Variants in SEZ6 observed in about 807,000 individuals in gnomAD.
The protein encoded by SEZ6 is seizure related 6 homolog, also known as seizure protein 6 homolog.
A neutral mutation model predicts 101.0 loss-of-function variants in SEZ6; 53 were observed. That is an observed-to-expected ratio of 0.52 (90% CI 0.42 to 0.66). SEZ6 has a LOEUF of 0.66. SEZ6 is among the 30% of genes least tolerant of loss of function. SEZ6 has a pLI of 0.00. For synonymous variants in SEZ6, 488 were observed against 512.2 expected, an observed-to-expected ratio of 0.95 and a Z score of 0.64; for missense variants, 1,102 against 1,289.4, an observed-to-expected ratio of 0.85 and a Z score of 2.23.
At position 28,960,670 on chromosome 17, in the gene SEZ6, G is replaced by A; in HGVS notation, c.1411C>T (p.Leu471Phe). The change falls in exon 7 of 17, where the codon CTC (leucine) becomes TTC (phenylalanine). Residue 471 changes from leucine to phenylalanine, a missense_variant and splice_region_variant. Around this residue, in one of 3 missense-constraint regions of SEZ6, gnomAD observed 556 missense variants for 735.1 expected, o/e 0.76. Transcript: ENST00000317338. ...ACGTTGTCCCCATTGCGAATGATGA[G>A]CCTGAACCAGGAGAGTGGCAGCTAT... is the stretch of plus-strand genomic sequence containing the variant. ...KVSLAEDDDR[L>F]IIRNGDNVEA... 1.9e-6 allele frequency: 3 copies of A among 1,608,920 alleles called. No homozygotes were observed. Among genetic ancestry groups the A allele is most frequent in the Non-Finnish European group, 2.5e-6 (3 of 1,177,578 alleles).
At chr17:29,002,927 G>A (rs116777869) in intron 1 of SEZ6, among the ~76,000 whole-genome samples, 2,272 of 152,154 alleles carry the variant, frequency 0.015, 65 homozygotes, top group African/African-American at 0.052. Context: ...GGCAGAGTGA[G>A]TAACCCAGAC....
chr17:28,976,797 C>T (rs1367217232), intron 3 of SEZ6, among the ~76,000 whole-genome samples: 2 of 152,236 alleles, frequency 1.3e-5, no homozygotes, highest in Non-Finnish European at 2.9e-5. Context: ...GCCAGGCCTG[C>T]CGCACCTGCT....
At chr17:28,977,735 C>T (rs2041242741) in intron 3 of SEZ6, among the ~76,000 whole-genome samples, 1 of 152,092 alleles carries the variant, frequency 6.6e-6, no homozygotes, top group Non-Finnish European at 1.5e-5. Flanking sequence ...GCCTCCCAGG[C>T]CTGTAGGGGG....
At chr17:29,004,479 C>T (rs1419037345) in intron 1 of SEZ6, among the ~76,000 whole-genome samples, 2 of 152,160 alleles carry the variant, frequency 1.3e-5, no homozygotes, top group Non-Finnish European at 2.9e-5. Context: ...AGCCCGGTAG[C>T]GGGGTGAGGA....
rs754230210 is a variant in SEZ6 at position 28,959,821 on chromosome 17, G to C, written c.1648C>G (p.Pro550Ala). ...CTGAACTCCACAGTGGTACCCACAG[G>C]GTAGGTGGGTGTGCTGCTGCTGAAG... Reference protein sequence around the residue: ...GNFSSSTPTYPVGTTVEFSCD... With the variant: ...GNFSSSTPTYAVGTTVEFSCD... The change falls in exon 8 of 17, where the codon CCT becomes GCT. Residue 550 changes from proline to alanine, a missense_variant. By Grantham distance (27) the Pro-to-Ala change is conservative. Around this residue, in one of 3 missense-constraint regions of SEZ6, gnomAD observed 556 missense variants for 735.1 expected, o/e 0.76. Transcript: ENST00000317338. The surrounding 1 kb of genome is among the most constrained non-coding windows in gnomAD (Gnocchi z 4.4). The C allele has an allele frequency of 6.2e-7, 1 of 1,613,826 alleles. No homozygotes were observed. The highest frequency in any genetic ancestry group is 8.5e-7 in the Non-Finnish European group (1 of 1,179,820).
intron 1 of SEZ6, among the ~76,000 whole-genome samples, chr17:28,990,194 G>T (rs1378085838): frequency 6.6e-6 from 1 of 152,196 alleles, no homozygotes; most frequent in African/African-American, 2.4e-5. Flanking sequence ...CACAAGATTT[G>T]CAACTTTCCC....
intron 1 of SEZ6, among the ~76,000 whole-genome samples, chr17:28,982,705 A>G (rs927479954): frequency 5.3e-5 from 8 of 151,926 alleles, no homozygotes; most frequent in African/African-American, 1.7e-4. Flanking sequence ...CCGGGCTGCA[A>G]TGCAGTGGTG....
chr17:29,006,129 C>T (rs1831668848), upstream of SEZ6: 1 of 283,312 alleles, frequency 3.5e-6, no homozygotes, highest in Non-Finnish European at 6.5e-6. Flanking sequence ...TGCAAAGGCG[C>T]AGAGACCCAG....
intron 11 of SEZ6, 63 bp from the exon 12 acceptor site, chr17:28,957,602 C>T (rs768566623): frequency 3.9e-6 from 6 of 1,526,702 alleles, no homozygotes; most frequent in Non-Finnish European, 5.3e-6. Context: ...CCAATCCACC[C>T]TGGCTTTGTT....
At chr17:28,963,679 C>G (rs1267726167) in intron 5 of SEZ6, among the ~76,000 whole-genome samples, 1 of 152,176 alleles carries the variant, frequency 6.6e-6, no homozygotes, top group South Asian at 2.1e-4. Flanking sequence ...TACTTCTTCC[C>G]CTGGAAATTG....
chr17:28,995,783 G>A (rs1230846894), intron 1 of SEZ6, among the ~76,000 whole-genome samples: 1 of 152,142 alleles, frequency 6.6e-6, no homozygotes, highest in Non-Finnish European at 1.5e-5. Context: ...CAGGGTGAAG[G>A]CTCAAGGGTG....
chr17:28,964,170 A>G lies in SEZ6; in HGVS notation c.1055-23T>C, dbSNP rs1481683935. On this transcript the variant is annotated intron_variant, in intron 4 of 16. Transcript: ENST00000317338. Reference sequence around the variant, plus strand: ...AGGCTGCAAACAGAGAACGGGTGACACTGTGTATGTGTGCAGGGTGGGGGC... The same window carrying G: ...AGGCTGCAAACAGAGAACGGGTGACGCTGTGTATGTGTGCAGGGTGGGGGC... 2.0e-6 allele frequency: 3 copies of G among 1,530,630 alleles called. 1 individual carries two copies. The South Asian group carries it at 3.6e-5, about 18-fold the overall frequency. 94.8% of individuals were successfully genotyped at this position (1,530,630 alleles called of 1,614,324 possible). A position where few individuals can be genotyped will look rare whatever the true frequency, so the allele number is the denominator to read the frequency against.
chr17:28,982,745 C>A (rs777853528), intron 1 of SEZ6, among the ~76,000 whole-genome samples: 15 of 152,152 alleles, frequency 9.9e-5, no homozygotes, highest in Non-Finnish European at 2.1e-4. Flanking sequence ...GCCTCAACCT[C>A]CCAGGTTCAA....
intron 1 of SEZ6, among the ~76,000 whole-genome samples, chr17:28,996,466 G>A (rs2041543562): frequency 6.6e-6 from 1 of 152,150 alleles, no homozygotes; most frequent in African/African-American, 2.4e-5. Context: ...GTGGGGGAGG[G>A]GAGGGGTGCA....
intron 1 of SEZ6, among the ~76,000 whole-genome samples, chr17:28,994,180 G>A (rs996902345): frequency 6.6e-6 from 1 of 152,208 alleles, no homozygotes; most frequent in African/African-American, 2.4e-5. Context: ...CTCGAGCATG[G>A]ATGGAGCTCT....
chr17:28,997,257 C>T (rs1180384170), intron 1 of SEZ6, among the ~76,000 whole-genome samples: 1 of 152,094 alleles, frequency 6.6e-6, no homozygotes, highest in Non-Finnish European at 1.5e-5. Flanking sequence ...CACCTTTGCC[C>T]GGAGATGCCC....
At chr17:28,988,308 G>T (rs1347023364) in intron 1 of SEZ6, among the ~76,000 whole-genome samples, 1 of 152,124 alleles carries the variant, frequency 6.6e-6, no homozygotes, top group East Asian at 1.9e-4. Flanking sequence ...ACACATGAAT[G>T]GCTTGTGTCC....
At chr17:28,985,845 G>A (rs943065558) in intron 1 of SEZ6, among the ~76,000 whole-genome samples, 1 of 152,228 alleles carries the variant, frequency 6.6e-6, no homozygotes, top group Non-Finnish European at 1.5e-5. Flanking sequence ...GTCGGTGGGG[G>A]ACACAGCGGT....
chr17:28,982,051 A>C lies in SEZ6; in HGVS notation c.56-12T>G. ...CTCTAAAGAGAGTCCTGAAATAATA[A>C]GGGATGGTCAGAGGTTCTCCCCCTG... is the stretch of plus-strand genomic sequence containing the variant. On this transcript the variant is annotated splice_polypyrimidine_tract_variant and intron_variant, in intron 1 of 16. Coordinates refer to ENST00000317338, the MANE Select transcript of SEZ6 (RefSeq NM_178860.5). 6.4e-7 allele frequency: 1 copy of C among 1,564,236 alleles called. No homozygotes were observed. Among genetic ancestry groups the C allele is most frequent in the Non-Finnish European group, 8.6e-7 (1 of 1,156,638 alleles).
Sources: allele counts gnomAD v4.1 joint callset (sites outside exome capture counted in the v4.1 genomes callset), GRCh38; gene constraint gnomAD v4.1.1; regional missense constraint gnomAD v4.1.1; non-coding constraint Gnocchi (gnomAD v3.1); transcripts MANE v1.5; gene names NCBI Gene and HGNC (gene_info 2026-07-23, HGNC 2026-07-21).